The following TCAIM variants were observed in gnomAD, a reference collection of about 807,000 sequenced individuals.
The protein encoded by TCAIM is T cell activation inhibitor, mitochondrial.
TCAIM carries 36 observed loss-of-function variants against 58.6 expected under a neutral mutation model. The observed-to-expected ratio is 0.61, with a 90% CI of 0.47 to 0.81. TCAIM has a LOEUF of 0.81. Among genes scored for constraint, TCAIM ranks in the 30% least tolerant of loss-of-function variants. The pLI is 0.00. For missense variants in TCAIM, 466 were observed against 579.6 expected (o/e 0.80, Z 2.01); for synonymous variants, 172 against 193.6 (o/e 0.89, Z 0.93).
chr3:44,364,154 CTT>C (rs1182845737), intron 4 of TCAIM, among the ~76,000 whole-genome samples: 1 of 151,292 alleles, frequency 6.6e-6, no homozygotes, highest in Non-Finnish European at 1.5e-5. Context: ...GTCTCGATCT[CTT>C]AACCCCGTGA....
chr3:44,344,294 G>A (rs1700918762), intron 1 of TCAIM, among the ~76,000 whole-genome samples: 1 of 152,148 alleles, frequency 6.6e-6, no homozygotes. Context: ...ACCATACCGA[G>A]CCTCAGAAAT....
intron 2 of TCAIM, among the ~76,000 whole-genome samples, chr3:44,356,811 CAAA>C (rs1297782768): frequency 1.4e-5 from 1 of 69,862 alleles, no homozygotes. Flanking sequence ...ACTAAAAATA[CAAA>C]AAAAAAAAAA....
intron 4 of TCAIM, among the ~76,000 whole-genome samples, chr3:44,365,997 GT>G (rs1231288613): frequency 6.6e-6 from 1 of 152,124 alleles, no homozygotes; most frequent in Non-Finnish European, 1.5e-5. Context: ...ATTAAGAATA[GT>G]TTTTTAAAAA....
At chr3:44,406,973 A>G (rs1702110650) in intron 10 of TCAIM, among the ~76,000 whole-genome samples, 1 of 152,132 alleles carries the variant, frequency 6.6e-6, no homozygotes, top group African/African-American at 2.4e-5. Flanking sequence ...GTGAGGTAGG[A>G]GAGTAAGAGT....
intron 5 of TCAIM, among the ~76,000 whole-genome samples, chr3:44,373,656 AAAAAGAG>A (rs1296796236): frequency 2.0e-5 from 3 of 152,182 alleles, no homozygotes; most frequent in African/African-American, 7.2e-5. Context: ...TCTGTCTGAA[AAAAAGAG>A]AAAAGAAAAG....
chr3:44,364,214 A>G (rs1322426246), intron 4 of TCAIM, among the ~76,000 whole-genome samples: 8 of 151,378 alleles, frequency 5.3e-5, no homozygotes, highest in African/African-American at 1.9e-4. Context: ...GGCATGAGCC[A>G]CCGCACCTGG....
chr3:44,348,206 C>G (rs1177033955), intron 1 of TCAIM, among the ~76,000 whole-genome samples: 1 of 152,184 alleles, frequency 6.6e-6, no homozygotes, highest in African/African-American at 2.4e-5. Context: ...GACGGACTTA[C>G]CCTCCACTGT....
chr3:44,353,091 T>C (rs1207914283), intron 1 of TCAIM, among the ~76,000 whole-genome samples: 1 of 152,018 alleles, frequency 6.6e-6, no homozygotes, highest in African/African-American at 2.4e-5. Flanking sequence ...GGCTAATTTT[T>C]GTATTTTTTA....
intron 5 of TCAIM, among the ~76,000 whole-genome samples, chr3:44,378,672 A>G (rs1339523497): frequency 2.0e-5 from 3 of 151,910 alleles, no homozygotes; most frequent in Non-Finnish European, 2.9e-5. Context: ...TTAGCCAGGC[A>G]TGGTGGCAGG....
intron 5 of TCAIM, among the ~76,000 whole-genome samples, chr3:44,374,467 C>T (rs1195710438): frequency 6.6e-6 from 1 of 152,046 alleles, no homozygotes; most frequent in African/African-American, 2.4e-5. Context: ...GTATAAAAAG[C>T]TTTTGGTGCC....
chr3:44,390,002 T>C (rs1207850430), intron 5 of TCAIM, among the ~76,000 whole-genome samples: 1 of 152,182 alleles, frequency 6.6e-6, no homozygotes, highest in Non-Finnish European at 1.5e-5. Flanking sequence ...AGGTTCCAGA[T>C]CACATACTAC....
intron 1 of TCAIM, among the ~76,000 whole-genome samples, chr3:44,344,156 C>T (rs770477241): frequency 9.2e-5 from 14 of 151,618 alleles, no homozygotes; most frequent in South Asian, 4.2e-4. Flanking sequence ...GAATTACAGG[C>T]GTGTGTCACC....
intron 5 of TCAIM, among the ~76,000 whole-genome samples, chr3:44,388,055 G>T (rs965173689): frequency 6.6e-6 from 1 of 151,518 alleles, no homozygotes; most frequent in Non-Finnish European, 1.5e-5. Flanking sequence ...AATTATATAT[G>T]TATATTTATA....
intron 4 of TCAIM, among the ~76,000 whole-genome samples, chr3:44,363,632 ATGT>A (rs1701325124): frequency 6.6e-6 from 1 of 152,222 alleles, no homozygotes; most frequent in Admixed American, 6.5e-5. Context: ...GAGGAAGTAA[ATGT>A]TGTTATTAGA....
chr3:44,373,154 G>A (rs1171379772), intron 5 of TCAIM, among the ~76,000 whole-genome samples: 1 of 151,770 alleles, frequency 6.6e-6, no homozygotes, highest in African/African-American at 2.4e-5. Context: ...TTGAGACAGG[G>A]TCTTGTTTGG....
chr3:44,348,507 G>A (rs1326327112), intron 1 of TCAIM, among the ~76,000 whole-genome samples: 1 of 152,234 alleles, frequency 6.6e-6, no homozygotes, highest in Non-Finnish European at 1.5e-5. Context: ...AGGAGGTCCT[G>A]AAGGAATGCC....
intron 1 of TCAIM, among the ~76,000 whole-genome samples, chr3:44,347,003 T>C (rs544280242): frequency 5.1e-4 from 77 of 152,248 alleles, no homozygotes; most frequent in Middle Eastern, 3.4e-3. Context: ...GTTTATATAA[T>C]GGTTTAGTCA....
chr3:44,406,489 A>T (rs62253897), intron 10 of TCAIM, among the ~76,000 whole-genome samples: 131,752 of 152,156 alleles, frequency 0.87, 57,450 homozygotes, highest in East Asian at 1. Flanking sequence ...GCATATTCTA[A>T]GTAAGAATAA....
intron 5 of TCAIM, among the ~76,000 whole-genome samples, chr3:44,372,251 A>G (rs767469854): frequency 6.6e-6 from 1 of 152,080 alleles, no homozygotes; most frequent in Non-Finnish European, 1.5e-5. Flanking sequence ...ATTTTTTTAT[A>G]TCTGTAATTA....
Sources: gnomAD v4.1 joint callset for allele counts (sites outside exome capture counted in the v4.1 genomes callset) on GRCh38, gnomAD v4.1.1 for gene constraint, MANE v1.5 for transcripts, NCBI Gene and HGNC (gene_info 2026-07-23, HGNC 2026-07-21) for gene names.